Variants in CDH11 observed in about 807,000 individuals in gnomAD.
CDH11 encodes cadherin-11.
A neutral mutation model predicts 67.8 loss-of-function variants in CDH11; 11 were observed. The ratio of observed to expected loss-of-function variants is 0.16; its 90% CI spans 0.10 to 0.27. CDH11 has a LOEUF of 0.27. Among genes scored for constraint, CDH11 ranks in the 10% least tolerant of loss-of-function variants. CDH11 has a pLI of 1.00. For synonymous variants in CDH11, 419 were observed against 400.0 expected, an observed-to-expected ratio of 1.05 and a Z score of -0.57; for missense variants, 847 against 1,031.2, an observed-to-expected ratio of 0.82 and a Z score of 2.45.
At chr16:64,996,059 G>C (rs2072754960) in intron 4 of CDH11, among the ~76,000 whole-genome samples, 1 of 152,164 alleles carries the variant, frequency 6.6e-6, no homozygotes. Context: ...CCACTAGTTA[G>C]AATAGCTATG....
chr16:65,113,144 G>A (rs1327718078), intron 1 of CDH11, among the ~76,000 whole-genome samples: 1 of 152,058 alleles, frequency 6.6e-6, no homozygotes, highest in Non-Finnish European at 1.5e-5. Flanking sequence ...AAATTAGCCC[G>A]GGGTGGTGGC....
chr16:65,110,644 G>GTGTA (rs905163356), intron 1 of CDH11, among the ~76,000 whole-genome samples: 11 of 148,702 alleles, frequency 7.4e-5, no homozygotes, highest in African/African-American at 2.6e-4. Flanking sequence ...GTGTGTGTGT[G>GTGTA]TGTGTGTGTG....
intron 1 of CDH11, among the ~76,000 whole-genome samples, chr16:65,096,819 G>A (rs532762064): frequency 6.6e-6 from 1 of 152,080 alleles, no homozygotes; most frequent in African/African-American, 2.4e-5. Context: ...TCTGACTCAA[G>A]GAACTGGAAG....
At chr16:65,020,841 A>C (rs907916280) in intron 2 of CDH11, among the ~76,000 whole-genome samples, 5 of 152,136 alleles carry the variant, frequency 3.3e-5, no homozygotes, top group Non-Finnish European at 5.9e-5. Flanking sequence ...TTCATTTGTC[A>C]GTTTTTAGGT....
intron 1 of CDH11, among the ~76,000 whole-genome samples, chr16:65,064,998 C>A (rs2074290636): frequency 1.3e-5 from 2 of 152,274 alleles, no homozygotes; most frequent in South Asian, 4.1e-4. Flanking sequence ...CCGCCCCAGA[C>A]CCTGCCTCCA....
intron 1 of CDH11, among the ~76,000 whole-genome samples, chr16:65,093,963 C>T (rs1039753186): frequency 6.6e-6 from 1 of 152,206 alleles, no homozygotes; most frequent in Admixed American, 6.5e-5. Context: ...TAGGGTTTAA[C>T]TAAAGCTCTA....
Position 65,108,782 on chromosome 16 carries a change from T to C in CDH11, c.-298+13098A>G, listed in dbSNP as rs1206812325. ...TAAGCTGCCTATATAGCCTCACCTA[T>C]GTTTGGTTAGTCCTCTTTGGGTAGT... On this transcript the variant is annotated intron_variant, in intron 1 of 12. Coordinates refer to ENST00000268603, the MANE Select transcript of CDH11 (RefSeq NM_001797.4). 2.0e-5 allele frequency among the ~76,000 whole-genome samples: 3 copies of C among 152,130 alleles called. 1 individual carries two copies. The highest frequency in any genetic ancestry group is 1.9e-4 in the East Asian group (1 of 5,180).
At chr16:65,009,498 T>C (rs1406662826) in intron 2 of CDH11, among the ~76,000 whole-genome samples, 3 of 152,144 alleles carry the variant, frequency 2.0e-5, no homozygotes, top group Non-Finnish European at 4.4e-5. Context: ...TTTTATGAAA[T>C]ATTTCTAGAA....
At chr16:65,032,381 T>C (rs1368406422) in intron 2 of CDH11, among the ~76,000 whole-genome samples, 1 of 150,178 alleles carries the variant, frequency 6.7e-6, no homozygotes, top group Non-Finnish European at 1.5e-5. Flanking sequence ...GTTCAGCTAC[T>C]CAGGAGACTG....
intron 1 of CDH11, among the ~76,000 whole-genome samples, chr16:65,108,662 C>A (rs186409251): frequency 6.8e-6 from 1 of 147,294 alleles, no homozygotes; most frequent in African/African-American, 2.5e-5. Context: ...TGTAGTTTTG[C>A]TGCTGCTATC....
intron 2 of CDH11, among the ~76,000 whole-genome samples, chr16:65,038,141 A>C (rs2073790689): frequency 6.6e-6 from 1 of 152,062 alleles, no homozygotes; most frequent in African/African-American, 2.4e-5. Context: ...GGGAAGATCT[A>C]ATTTTATCTA....
chr16:64,985,088 G>A (rs780587554), intron 7 of CDH11: 8 of 152,070 alleles, frequency 5.3e-5, no homozygotes, highest in Non-Finnish European at 1.5e-5. Context: ...TGAACAGATT[G>A]GATTTTCCCC....
At chr16:65,021,241 A>C (rs257337) in intron 2 of CDH11, among the ~76,000 whole-genome samples, 40,273 of 152,110 alleles carry the variant, frequency 0.26, 6,059 homozygotes, top group Non-Finnish European at 0.35. Context: ...CTGCAAAAGT[A>C]AAAAACACCA....
intron 2 of CDH11, 56 bp from the exon 3 acceptor site, chr16:65,005,097 T>C: frequency 7.5e-7 from 1 of 1,325,918 alleles, no homozygotes. Context: ...TTCATTTCCA[T>C]TCCTTTCAGT....
chr16:65,118,123 C>T (rs2075273856), intron 1 of CDH11, among the ~76,000 whole-genome samples: 2 of 152,186 alleles, frequency 1.3e-5, no homozygotes, highest in Admixed American at 1.3e-4. Flanking sequence ...CCCTCAAAAG[C>T]AGATGGGCTC....
chr16:65,082,362 G>A (rs965226001), intron 1 of CDH11, among the ~76,000 whole-genome samples: 3 of 152,192 alleles, frequency 2.0e-5, no homozygotes, highest in African/African-American at 4.8e-5. Context: ...ACCATAGGAA[G>A]GTGAACAGCT....
Position 64,944,432 on chromosome 16 carries a change from T to G in CDH11, c.*3171A>C, listed in dbSNP as rs1222084241. ...TGCAAAAGCCCTCCTGGGGCACACC[T>G]CTGGGTTTATATGCTCCTAATCTGT... On this transcript the variant is annotated 3_prime_UTR_variant, in exon 13 of 13. Transcript: ENST00000268603. 2 of 232,668 alleles carry G rather than the reference T, an allele frequency of 8.6e-6. No homozygotes were observed. The highest frequency in any genetic ancestry group is 4.4e-5 in the African/African-American group (2 of 45,282). The allele number at this position is 232,668 out of a possible 1,614,324, so 14.4% of individuals were successfully genotyped here.
At chr16:65,123,720 CGGGTGGCGCT>C (rs2075373672), upstream of CDH11, 1 of 152,452 alleles carries the variant, frequency 6.6e-6, no homozygotes, top group African/African-American at 2.4e-5. Context: ...CTCCAGGATC[CGGGTGGCGCT>C]GCGTGCCTGC....
At chr16:65,071,635 T>C (rs1033795686) in intron 1 of CDH11, among the ~76,000 whole-genome samples, 3 of 152,128 alleles carry the variant, frequency 2.0e-5, no homozygotes, top group Non-Finnish European at 4.4e-5. Flanking sequence ...CACCACAATC[T>C]GGCGATGGGA....
Sources: gnomAD v4.1 joint callset for allele counts (sites outside exome capture counted in the v4.1 genomes callset) on GRCh38, gnomAD v4.1.1 for gene constraint, MANE v1.5 for transcripts, NCBI Gene and HGNC (gene_info 2026-07-23, HGNC 2026-07-21) for gene names.